The following DSG4 variants were observed in gnomAD, a reference collection of about 807,000 sequenced individuals.
DSG4 encodes the protein desmoglein 4.
In DSG4, 87 loss-of-function variants were observed where a neutral mutation model predicts 93.1. That is an observed-to-expected ratio of 0.93 (90% CI 0.79 to 1.12). DSG4 has a LOEUF of 1.12. Ranked by LOEUF, DSG4 falls within the 50% of genes most tolerant of loss-of-function variation. The pLI is 0.00. For missense variants in DSG4, 1,373 were observed against 1,285.7 expected (o/e 1.07, Z -1.04); for synonymous variants, 432 against 452.9 (o/e 0.95, Z 0.59).
intron 10 of DSG4, among the ~76,000 whole-genome samples, chr18:31,402,454 C>T (rs2072378361): frequency 6.6e-6 from 1 of 152,082 alleles, no homozygotes; most frequent in Non-Finnish European, 1.5e-5. Context: ...AATCGACATC[C>T]TTCATCTAGT....
At position 31,406,336 on chromosome 18, in the gene DSG4, G is replaced by A. The variant is rs1479097699; in HGVS notation, c.1896G>A (p.Gly632=). The change falls in exon 12 of 16, where the codon GGG becomes GGA. Residue 632 remains glycine, a synonymous_variant. Coordinates refer to ENST00000308128, the MANE Select transcript of DSG4 (RefSeq NM_177986.5). ...CAAATGTTGGTCTTGGACCAGCAGG[G>A]ATTGGCATGATGGTTCTGGGCATCC... is the stretch of plus-strand genomic sequence containing the variant. The part of the protein sequence containing the change: ...GVSNVGLGPA[G]IGMMVLGILL... 1.2e-6 allele frequency: 2 copies of A among 1,614,206 alleles called. No homozygotes were observed. Among genetic ancestry groups the A allele is most frequent in the African/African-American group, 2.7e-5 (2 of 75,050 alleles).
At chr18:31,401,329 TG>T (rs2072363695) in intron 10 of DSG4, among the ~76,000 whole-genome samples, 1 of 152,176 alleles carries the variant, frequency 6.6e-6, no homozygotes, top group African/African-American at 2.4e-5. Flanking sequence ...TTGTAGGGTA[TG>T]TTGGGAATGT....
At chr18:31,382,082 T>C (rs890779475) in intron 1 of DSG4, among the ~76,000 whole-genome samples, 1 of 152,146 alleles carries the variant, frequency 6.6e-6, no homozygotes, top group Non-Finnish European at 1.5e-5. Context: ...CAGGGAACCG[T>C]CATCAACCAG....
chr18:31,406,532 G>A (rs1024890478), intron 12 of DSG4, among the ~76,000 whole-genome samples, 159 bp downstream of exon 12: 5 of 152,230 alleles, frequency 3.3e-5, no homozygotes, highest in South Asian at 2.1e-4. Flanking sequence ...AAATATATGC[G>A]CTTAATCCAC....
At position 31,413,167 on chromosome 18, in the gene DSG4, C is replaced by T; in HGVS notation, c.2695C>T (p.Pro899Ser). 6.2e-7 allele frequency: 1 copy of T among 1,614,112 alleles called. No individual in the cohort carries two copies. The highest frequency in any genetic ancestry group is 1.1e-5 in the South Asian group (1 of 91,080). Reference sequence around the variant, plus strand: ...CCAAGAAGAAATGGCAGCATCTGAACCCGTGGTCCATGGGGATATTATTGT... The same window carrying T: ...CCAAGAAGAAATGGCAGCATCTGAATCCGTGGTCCATGGGGATATTATTGT... ...EFQEEMAASE[P>S]VVHGDIIVTE... Residue 899 changes from proline to serine, a missense_variant, in exon 16 of 16, where the codon CCC becomes TCC. By Grantham distance (74) the Pro-to-Ser change is moderately conservative. Coordinates refer to ENST00000308128, the MANE Select transcript of DSG4 (RefSeq NM_177986.5).
At chr18:31,390,964 A>G in intron 6 of DSG4, 114 bp from the exon 7 acceptor site, 1 of 1,514,216 alleles carries the variant, frequency 6.6e-7, no homozygotes. Context: ...AAGCTCAATT[A>G]TATAAATTTC....
At chr18:31,379,031 G>A (rs1423616917) in intron 1 of DSG4, among the ~76,000 whole-genome samples, 1 of 152,150 alleles carries the variant, frequency 6.6e-6, no homozygotes, top group Non-Finnish European at 1.5e-5. Context: ...TGTAAACAAA[G>A]TTCTGACTGG....
Position 31,391,096 on chromosome 18 carries a change from C to G in DSG4, c.703C>G (p.Leu235Val). ...LDREQHSMYN[L>V]VVRGSDRDGA... ...GATTAAGCAACACAGTATGTACAAC[C>G]TGGTTGTGAGAGGCTCAGATCGGGA... is the stretch of plus-strand genomic sequence containing the variant. The change falls in exon 7 of 16, where the codon CTG becomes GTG. Residue 235 changes from leucine to valine, a missense_variant. Leu to Val is a conservative substitution (Grantham distance 32). Transcript: ENST00000308128. 1 of 1,613,644 alleles carries G rather than the reference C, an allele frequency of 6.2e-7. No homozygotes were observed. The highest frequency in any genetic ancestry group is 1.1e-5 in the South Asian group (1 of 91,062).
In DSG4 at chr18:31,383,875, C is replaced by A. The variant is rs76456310; in HGVS notation, c.49-1261C>A. On this transcript the variant is annotated intron_variant, in intron 1 of 15. Coordinates refer to ENST00000308128, the MANE Select transcript of DSG4 (RefSeq NM_177986.5). ...TCAAGGCACTTAACAAATCCTTTTGCAAGTCCTGCTTTTCAATTATTTGTT... is the reference window on the plus strand; with the variant it reads ...TCAAGGCACTTAACAAATCCTTTTGAAAGTCCTGCTTTTCAATTATTTGTT... Among the ~76,000 whole-genome samples, 219 of 152,274 alleles carry A rather than the reference C, an allele frequency of 1.4e-3. 3 individuals carry two copies. In the East Asian group the frequency reaches 0.036, roughly 25 times the overall value.
chr18:31,394,436 G>T (rs190778949), intron 8 of DSG4, among the ~76,000 whole-genome samples: 1 of 151,702 alleles, frequency 6.6e-6, no homozygotes, highest in Admixed American at 6.6e-5. Context: ...AATTAGCCAG[G>T]TGTGGTGACA....
chr18:31,399,485 G>A lies in DSG4; in HGVS notation c.1219G>A (p.Val407Met). The A allele has an allele frequency of 2.5e-6, 4 of 1,614,068 alleles. No homozygotes were observed. Among genetic ancestry groups the A allele is most frequent in the Non-Finnish European group, 2.5e-6 (3 of 1,179,950 alleles). The change falls in exon 9 of 16, where the codon GTG (valine) becomes ATG (methionine). Residue 407 changes from valine to methionine, a missense_variant. Coordinates refer to ENST00000308128, the MANE Select transcript of DSG4 (RefSeq NM_177986.5). Reference protein sequence around the residue: ...GIKGSSLLNYVLGTYTAIDLD... With the variant: ...GIKGSSLLNYMLGTYTAIDLD... Reference sequence around the variant, plus strand: ...AAAAGGAAGTTCCTTATTGAATTATGTGCTTGGCACATATACAGCCATAGA... The same window carrying A: ...AAAAGGAAGTTCCTTATTGAATTATATGCTTGGCACATATACAGCCATAGA...
intron 1 of DSG4, among the ~76,000 whole-genome samples, chr18:31,382,016 T>G (rs575703574): frequency 6.6e-6 from 1 of 152,240 alleles, no homozygotes; most frequent in African/African-American, 2.4e-5. Context: ...AAAGTCCTGT[T>G]CAAGTTTTTG....
intron 12 of DSG4, among the ~76,000 whole-genome samples, chr18:31,408,695 T>A (rs1208468678): frequency 1.3e-5 from 2 of 152,224 alleles, no homozygotes; most frequent in South Asian, 2.1e-4. Context: ...CTATTCTTTA[T>A]CTTTAATTAA....
intron 2 of DSG4, among the ~76,000 whole-genome samples, chr18:31,386,406 C>T (rs1455244110): frequency 6.6e-6 from 1 of 152,092 alleles, no homozygotes; most frequent in Non-Finnish European, 1.5e-5. Context: ...AGGAAAACTG[C>T]ACAACTTATA....
At chr18:31,405,386 A>G (rs1568070776) in intron 11 of DSG4, among the ~76,000 whole-genome samples, 1 of 152,164 alleles carries the variant, frequency 6.6e-6, no homozygotes, top group Admixed American at 6.5e-5. Flanking sequence ...GTAATCCTAA[A>G]TAGAAGACTT....
chr18:31,379,177 ACAGTGAATCGAGATT>A (rs1469897805), intron 1 of DSG4, among the ~76,000 whole-genome samples: 1 of 152,204 alleles, frequency 6.6e-6, no homozygotes, highest in Non-Finnish European at 1.5e-5. Flanking sequence ...GGGACATTCA[ACAGTGAATCGAGATT>A]CAGAAGTCCC....
chr18:31,379,856 C>T (rs1264421516), intron 1 of DSG4, among the ~76,000 whole-genome samples: 1 of 152,140 alleles, frequency 6.6e-6, no homozygotes, highest in Admixed American at 6.6e-5. Context: ...GAGAGAAAAA[C>T]ACCTTATCCT....
chr18:31,398,991 T>C (rs1410294810), intron 8 of DSG4, among the ~76,000 whole-genome samples: 1 of 152,212 alleles, frequency 6.6e-6, no homozygotes, highest in Non-Finnish European at 1.5e-5. Context: ...TCGTTTTTCA[T>C]TTCAGCATTT....
chr18:31,391,260 A>G (rs747240010), intron 7 of DSG4, 48 bp downstream of exon 7: 1 of 1,610,456 alleles, frequency 6.2e-7, no homozygotes, highest in African/African-American at 1.3e-5. Context: ...TCAATAATCA[A>G]TTTGCATAAG....
Sources: allele counts gnomAD v4.1 joint callset (sites outside exome capture counted in the v4.1 genomes callset), GRCh38; gene constraint gnomAD v4.1.1; transcripts MANE v1.5; gene names NCBI Gene and HGNC (gene_info 2026-07-23, HGNC 2026-07-21).